Variants in RBM39 observed in about 807,000 individuals in gnomAD.
RBM39 encodes the protein RNA-binding protein 39.
RBM39 carries 12 observed loss-of-function variants against 79.6 expected under a neutral mutation model. The ratio of observed to expected loss-of-function variants is 0.15; its 90% CI spans 0.10 to 0.24. The LOEUF (loss-of-function observed/expected upper bound fraction) is 0.24. RBM39 is among the 10% of genes least tolerant of loss of function. RBM39 has a pLI of 1.00. For missense variants in RBM39, 243 were observed against 653.4 expected (o/e 0.37, Z 6.85); for synonymous variants, 185 against 208.4 (o/e 0.89, Z 0.97).
chr20:35,707,758 A>T (rs2035921022), intron 13 of RBM39: 1 of 255,364 alleles, frequency 3.9e-6, no homozygotes, highest in African/African-American at 2.4e-5. Context: ...TTAATAAATC[A>T]AATGTTTTAA....
At chr20:35,728,319 AAG>A (rs529528207) in intron 6 of RBM39, among the ~76,000 whole-genome samples, 169 of 152,352 alleles carry the variant, frequency 1.1e-3, no homozygotes, top group Non-Finnish European at 2.0e-3. Context: ...TGCCAACACA[AAG>A]AAACATTTAA....
At chr20:35,729,401 A>C in intron 5 of RBM39, 36 bp from the exon 6 acceptor site, 1 of 1,604,510 alleles carries the variant, frequency 6.2e-7, no homozygotes, top group South Asian at 1.1e-5. Flanking sequence ...TTATCCAAAC[A>C]AGTACAGCAT....
At chr20:35,739,941 A>G (rs1438676512) in intron 2 of RBM39, 2 of 163,452 alleles carry the variant, frequency 1.2e-5, no homozygotes, top group African/African-American at 2.4e-5. Flanking sequence ...GACACCAGTG[A>G]TAATGCATGC....
At chr20:35,707,027 TAAAAAAAAAAAAAAAA>T (rs58614202) in intron 14 of RBM39, 77 bp downstream of exon 14, 2,362 of 151,928 alleles carry the variant, frequency 0.016, 82 homozygotes, top group African/African-American at 0.083. Context: ...AACTCCATCT[TAAAAAAAAAAAAAAAA>T]AAAAAAAAGA....
intron 9 of RBM39, among the ~76,000 whole-genome samples, chr20:35,717,395 A>G (rs1417045778): frequency 6.6e-6 from 1 of 152,146 alleles, no homozygotes; most frequent in African/African-American, 2.4e-5. Context: ...CCTAAGATTA[A>G]TTTTTATATC....
At chr20:35,724,938 CA>C in intron 7 of RBM39, 99 bp downstream of exon 7, 1 of 1,029,914 alleles carries the variant, frequency 9.7e-7, no homozygotes, top group Admixed American at 2.2e-5. Context: ...AACATTACCA[CA>C]AACAAATACT....
At chr20:35,708,156 GTT>G (rs1374563233) in intron 13 of RBM39, among the ~76,000 whole-genome samples, 6 of 151,070 alleles carry the variant, frequency 4.0e-5, no homozygotes, top group African/African-American at 1.5e-4. Context: ...TAACATATAA[GTT>G]TTTTCTTTCA....
intron 3 of RBM39, among the ~76,000 whole-genome samples, chr20:35,737,848 C>CACAAAAA (rs2040117000): frequency 2.5e-5 from 1 of 40,428 alleles, no homozygotes; most frequent in African/African-American, 8.0e-5. Context: ...GACTCCGTGT[C>CACAAAAA]AAAAAAAAAA....
chr20:35,738,489 C>G (rs1303716120), intron 3 of RBM39, among the ~76,000 whole-genome samples: 1 of 152,066 alleles, frequency 6.6e-6, no homozygotes, highest in East Asian at 1.9e-4. Context: ...TACTTAAGTA[C>G]CTGTTCCATC....
At chr20:35,708,873 AAAT>A (rs1357031052) in intron 13 of RBM39, 2 of 198,296 alleles carry the variant, frequency 1.0e-5, no homozygotes, top group Admixed American at 1.1e-4. Context: ...CCAGGTTCTA[AAAT>A]ACTTGCCTAC....
intron 3 of RBM39, chr20:35,736,474 A>G (rs745580163): frequency 1.5e-5 from 6 of 411,060 alleles, no homozygotes; most frequent in African/African-American, 8.5e-5. Flanking sequence ...ATAACATTAT[A>G]TATTTTCTCA....
In RBM39 at chr20:35,724,771, T is replaced by C. The variant is rs777815235; in HGVS notation, c.535-49A>G. On this transcript the variant is annotated intron_variant, in intron 7 of 16. Transcript: ENST00000253363. ...GTGCAAACATCCATTGTAACACATG[T>C]AGAATTATTTCAAGAGACACTGTTG... The C allele has an allele frequency of 5.1e-6, 8 of 1,581,036 alleles. No homozygotes were observed. The East Asian group carries it at 6.7e-5, about 13-fold the overall frequency.
At chr20:35,728,144 G>A (rs1485112150) in intron 6 of RBM39, among the ~76,000 whole-genome samples, 2 of 152,182 alleles carry the variant, frequency 1.3e-5, no homozygotes, top group South Asian at 2.1e-4. Context: ...AAGAACCTAG[G>A]AGTAACAATT....
At position 35,740,850 on chromosome 20, in the gene RBM39, C is replaced by A; in HGVS notation, c.25G>T (p.Ala9Ser). MADDIDIEAMLEAPYKKDE... is the reference protein window; with the variant it reads MADDIDIESMLEAPYKKDE... ...TTCTTGTAAGGAGCCTCAAGCATTG[C>A]TTCAATATCAATATCGTCTGCCATT... Residue 9 changes from alanine to serine, a missense_variant, in exon 2 of 17, where the codon GCA (alanine) becomes TCA (serine). By Grantham distance (99) the Ala-to-Ser change is moderately conservative. Transcript: ENST00000253363. 1 of 1,612,726 alleles carries A rather than the reference C, an allele frequency of 6.2e-7. No individual in the cohort carries two copies. Among genetic ancestry groups the A allele is most frequent in the Non-Finnish European group, 8.5e-7 (1 of 1,179,340 alleles).
intron 9 of RBM39, among the ~76,000 whole-genome samples, chr20:35,718,813 CAAAAAAAAA>C (rs555136304): frequency 2.6e-5 from 1 of 37,880 alleles, no homozygotes; most frequent in Admixed American, 2.9e-4. Flanking sequence ...TACTCCATCT[CAAAAAAAAA>C]AAAAAAAAAA....
chr20:35,727,416 A>C (rs1466191992), intron 6 of RBM39, among the ~76,000 whole-genome samples: 2 of 151,354 alleles, frequency 1.3e-5, no homozygotes, highest in Non-Finnish European at 1.5e-5. Context: ...AAAAAAAAAA[A>C]CACCCACAAT....
At chr20:35,710,716 T>C (rs1439746235) in intron 12 of RBM39, 1 of 152,188 alleles carries the variant, frequency 6.6e-6, no homozygotes, top group African/African-American at 2.4e-5. Context: ...CAGCAAGTTA[T>C]ATGTAATATT....
At chr20:35,721,621 C>T in intron 9 of RBM39, 119 bp downstream of exon 9, 1 of 1,167,096 alleles carries the variant, frequency 8.6e-7, no homozygotes, top group South Asian at 1.7e-5. Context: ...TTTATAAAAC[C>T]AGCCCTTATC....
chr20:35,724,974 G>T, intron 7 of RBM39, 64 bp downstream of exon 7: 2 of 1,180,924 alleles, frequency 1.7e-6, no homozygotes, highest in Non-Finnish European at 1.2e-6. Context: ...TGAAGTATTT[G>T]ATGTTTACAT....
Sources: gnomAD v4.1 joint callset for allele counts (sites outside exome capture counted in the v4.1 genomes callset) on GRCh38, gnomAD v4.1.1 for gene constraint, MANE v1.5 for transcripts, NCBI Gene and HGNC (gene_info 2026-07-23, HGNC 2026-07-21) for gene names.